Variants in CDH24 observed in about 807,000 individuals in gnomAD.
The protein encoded by CDH24 is cadherin-24.
In CDH24, 61 loss-of-function variants were observed where a neutral mutation model predicts 71.2. The observed-to-expected ratio is 0.86, with a 90% confidence interval of 0.70 to 1.06. The LOEUF is 1.06. Ranked by LOEUF, CDH24 falls within the 50% of genes least tolerant of loss-of-function variation. The probability of loss-of-function intolerance (pLI) is 0.00; values close to 1 mark genes in which losing one functional copy is unlikely to be tolerated. For synonymous variants in CDH24, 440 were observed against 470.2 expected (o/e 0.94, Z 0.83); for missense variants, 961 against 1,083.7 (o/e 0.89, Z 1.59).
In CDH24 at chr14:23,048,163, C is replaced by G; in HGVS notation, c.2163G>C (p.Pro721=). ...READEDPGVP[P]YDSVQVYGYE... ...AGCCGTACACCTGCACCGAGTCGTA[C>G]GGGGGTACGCCGGGGTCCTCGTCCG... Residue 721 remains proline (P), a synonymous_variant, in exon 12 of 13, where the codon CCG becomes CCC. Transcript: ENST00000487137. 1 of 1,359,202 alleles carries G rather than the reference C, an allele frequency of 7.4e-7. No homozygotes were observed. Among genetic ancestry groups the G allele is most frequent in the Admixed American group, 3.5e-5 (1 of 28,976 alleles). 84.2% of individuals were successfully genotyped at this position (1,359,202 alleles called of 1,614,324 possible). A position where few individuals can be genotyped will look rare whatever the true frequency, so the allele number is the denominator to read the frequency against.
chr14:23,049,089 G>C lies in CDH24; in HGVS notation c.1784C>G (p.Ser595Ter). The change falls in exon 11 of 13, where the codon TCA (serine) becomes TGA (stop). Residue 595 changes from serine (S) to a stop codon, truncating the protein, a stop_gained. Transcript: ENST00000487137. LOFTEE classifies it high-confidence loss of function. ...VASCWPEAHLSAAGLSTGALL... is the reference protein window; with the variant it reads ...VASCWPEAHL ...GGCGCCGGTGCTGAGCCCAGCAGCT[G>C]AGAGGTGAGCCTCAGGCCAGCAGGA... is the stretch of plus-strand genomic sequence containing the variant. 6.2e-7 allele frequency: 1 copy of C among 1,611,936 alleles called. No individual in the cohort carries two copies. Among genetic ancestry groups the C allele is most frequent in the Non-Finnish European group, 8.5e-7 (1 of 1,179,384 alleles).
In CDH24 at chr14:23,048,301, C is replaced by T; in HGVS notation, c.2025G>A (p.Ala675=). The change falls in exon 12 of 13, where the codon GCG becomes GCA. Residue 675 remains alanine, a synonymous_variant. Transcript: ENST00000487137. ...LQNPDGAAPP[A]PGPPARRDVL... ...CGTCTCGGCGCGCGGGAGGGCCGGG[C>T]GCCGGGGGGGCCGCCCCGTCCGGGT... 3.1e-6 allele frequency: 5 copies of T among 1,597,084 alleles called. No individual in the cohort carries two copies. Among genetic ancestry groups the T allele is most frequent in the Non-Finnish European group, 4.3e-6 (5 of 1,174,114 alleles).
chr14:23,048,651 G>A (rs893284302), intron 11 of CDH24, among the ~76,000 whole-genome samples, 172 bp from the exon 12 acceptor site: 5 of 152,210 alleles, frequency 3.3e-5, no homozygotes, highest in Non-Finnish European at 7.3e-5. Context: ...ATGTGACCAT[G>A]GGAAGTTGCT....
intron 7 of CDH24, 58 bp from the exon 8 acceptor site, chr14:23,052,667 C>T (rs1302656252): frequency 2.6e-6 from 4 of 1,566,744 alleles, no homozygotes; most frequent in Non-Finnish European, 3.5e-6. Context: ...GCTTGTTCCA[C>T]CCCCTCTCTT....
rs1325970958 is a variant in CDH24 at position 23,049,813 on chromosome 14, G to C, written c.1485+9C>G. 1.9e-6 allele frequency: 3 copies of C among 1,613,878 alleles called. No individual in the cohort carries two copies. Among genetic ancestry groups the C allele is most frequent in the Non-Finnish European group, 8.5e-7 (1 of 1,179,912 alleles). On this transcript the variant is annotated intron_variant, in intron 9 of 12. Transcript: ENST00000487137. ...TGGACGTCCCAACCCCTCTGCCTCAGTTGCTCACCTGGCCAGGAGCTGCAG... is the reference window on the plus strand; with the variant it reads ...TGGACGTCCCAACCCCTCTGCCTCACTTGCTCACCTGGCCAGGAGCTGCAG...
In CDH24 at chr14:23,055,318, G is replaced by A. The variant is rs1878894329; in HGVS notation, c.237C>T (p.Thr79=). The A allele has an allele frequency of 4.4e-6, 7 of 1,609,132 alleles. No individual in the cohort carries two copies. The highest frequency in any genetic ancestry group is 6.0e-6 in the Non-Finnish European group (7 of 1,175,844). The change falls in exon 3 of 13, where the codon ACC becomes ACT. Residue 79 remains threonine (T), a synonymous_variant. Transcript: ENST00000487137. This position sits in a 1 kb window ranked among gnomAD's most constrained non-coding sequence, Gnocchi z 4.1. ...HSDVDRGEGR[T]KYLLTGEGAG... is the part of the protein sequence containing the mutation. ...CCCCCTCCCCGGTCAACAGGTACTT[G>A]GTGCGGCCCTCTCCCCGGTCAACAT...
At chr14:23,056,982 C>A (rs938514354) in intron 1 of CDH24, among the ~76,000 whole-genome samples, 1 of 138,404 alleles carries the variant, frequency 7.2e-6, no homozygotes, top group South Asian at 2.4e-4. Flanking sequence ...GATGAGGAGG[C>A]GAGAAGGAAG....
At chr14:23,049,306 T>A (rs779158408) in intron 10 of CDH24, 31 bp from the exon 11 acceptor site, 1 of 1,545,726 alleles carries the variant, frequency 6.5e-7, no homozygotes, top group Admixed American at 1.9e-5. Context: ...TGAGGTATCT[T>A]CTGGGACACC....
rs1185879818 is a variant in CDH24, at chr14:23,047,745, G to C, written c.*235C>G. ...GGCCAGGGCAGGAAACCCAGGCCCGGACAGAGGAGCGTGTCACAGATAGAG... is the reference window on the plus strand; with the variant it reads ...GGCCAGGGCAGGAAACCCAGGCCCGCACAGAGGAGCGTGTCACAGATAGAG... On this transcript the variant is annotated 3_prime_UTR_variant, in exon 12 of 13. Transcript: ENST00000487137. 2 of 350,168 alleles carry C rather than the reference G, an allele frequency of 5.7e-6. No individual in the cohort carries two copies. Among genetic ancestry groups the C allele is most frequent in the African/African-American group, 4.3e-5 (2 of 46,588 alleles). 21.7% of individuals were successfully genotyped at this position (350,168 alleles called of 1,614,324 possible).
rs1418990882 is a variant in CDH24, at chr14:23,049,844, C to T, written c.1463G>A (p.Cys488Tyr). ...CACCTGGCCAGGAGCTGCAGAGTCA[C>T]ACACAAAAGTATCGTAGGGCTCAGC... The part of the protein sequence containing the change: ...QLAEPYDTFV[C>Y]DSAAPGQLIQ... The change falls in exon 9 of 13, where the codon TGT becomes TAT. Residue 488 changes from cysteine (C) to tyrosine (Y), a missense_variant. Cys to Tyr is a radical substitution (Grantham distance 194, BLOSUM62 -2). Transcript: ENST00000487137. 1 of 1,614,110 alleles carries T rather than the reference C, an allele frequency of 6.2e-7. No homozygotes were observed. The highest frequency in any genetic ancestry group is 1.7e-5 in the Admixed American group (1 of 60,012).
At chr14:23,048,875 T>C (rs2047062904) in intron 11 of CDH24, 152 bp downstream of exon 11, 4 of 829,792 alleles carry the variant, frequency 4.8e-6, no homozygotes, top group Admixed American at 5.7e-5. Flanking sequence ...AGGCCAGAGC[T>C]TTTCTCTTGG....
In CDH24 at chr14:23,055,766, C is replaced by A; in HGVS notation, c.-33G>T. 1 of 1,510,938 alleles carries A rather than the reference C, an allele frequency of 6.6e-7. No individual in the cohort carries two copies. The highest frequency in any genetic ancestry group is 1.3e-5 in the South Asian group (1 of 77,674). The allele number at this position is 1,510,938 out of a possible 1,614,324, so 93.6% of individuals were successfully genotyped here. A position where few individuals can be genotyped will look rare whatever the true frequency, so the allele number is the denominator to read the frequency against. On this transcript the variant is annotated 5_prime_UTR_variant, in exon 2 of 13. Transcript: ENST00000487137. The surrounding 1 kb of genome is among the most constrained non-coding windows in gnomAD (Gnocchi z 4.1). Reference sequence around the variant, plus strand: ...CTCCAGCCAGGGCTCTGTTCACTGGCCCTGGGTGCTGAGGCTGGGCCAGGC... The same window carrying A: ...CTCCAGCCAGGGCTCTGTTCACTGGACCTGGGTGCTGAGGCTGGGCCAGGC...
In CDH24 at chr14:23,052,165, G is replaced by C; in HGVS notation, c.1363+308C>G. On this transcript the variant is annotated intron_variant, in intron 8 of 12. Coordinates refer to ENST00000487137, the MANE Select transcript of CDH24 (RefSeq NM_144985.4). ...AAGGTCTAGTTTATTTCTGGGTTGG[G>C]GCAAGTCAGGTAAGGGAATGACTTG... 4 of 847,802 alleles carry C rather than the reference G, an allele frequency of 4.7e-6. No individual in the cohort carries two copies. The South Asian group carries it at 5.8e-5, about 12-fold the overall frequency. 52.5% of individuals were successfully genotyped at this position (847,802 alleles called of 1,614,324 possible).
At chr14:23,052,435 G>C (rs778863234) in intron 8 of CDH24, 38 bp downstream of exon 8, 3 of 1,611,610 alleles carry the variant, frequency 1.9e-6, no homozygotes, top group Non-Finnish European at 1.7e-6. Flanking sequence ...TCCTCGGCCA[G>C]GAGGCTGCTG....
intron 8 of CDH24, among the ~76,000 whole-genome samples, chr14:23,050,436 T>A (rs553464026): frequency 2.6e-4 from 39 of 152,086 alleles, no homozygotes; most frequent in African/African-American, 9.2e-4. Context: ...ATAGAATGCA[T>A]TTTCATGCAT....
rs758077307 is a variant in CDH24, at chr14:23,055,783, G to A, written c.-50C>T. On this transcript the variant is annotated 5_prime_UTR_variant, in exon 2 of 13. Coordinates refer to ENST00000487137, the MANE Select transcript of CDH24 (RefSeq NM_144985.4). This position sits in a 1 kb window ranked among gnomAD's most constrained non-coding sequence, Gnocchi z 4.1. Reference sequence around the variant, plus strand: ...TTCACTGGCCCTGGGTGCTGAGGCTGGGCCAGGCCACGTGGCCCATGAGCT... The same window carrying A: ...TTCACTGGCCCTGGGTGCTGAGGCTAGGCCAGGCCACGTGGCCCATGAGCT... The A allele has an allele frequency of 6.8e-7, 1 of 1,465,960 alleles. No individual in the cohort carries two copies. The highest frequency in any genetic ancestry group is 1.4e-5 in the South Asian group (1 of 72,232). 90.8% of individuals were successfully genotyped at this position (1,465,960 alleles called of 1,614,324 possible).
chr14:23,048,898 G>T, intron 11 of CDH24, 129 bp downstream of exon 11: 2 of 1,047,354 alleles, frequency 1.9e-6, no homozygotes, highest in Non-Finnish European at 1.4e-6. Flanking sequence ...GCATCAGGTG[G>T]TGGGAAAATC....
rs537299588 is a variant in CDH24, at chr14:23,051,987, G to A, written c.1363+486C>T. On this transcript the variant is annotated intron_variant, in intron 8 of 12. Transcript: ENST00000487137. The surrounding 1 kb of genome is among the most constrained non-coding windows in gnomAD (Gnocchi z 4.4). Reference sequence around the variant, plus strand: ...TCCCCTACCTTGGGGGATTCCCACAGCGCTTCCAACAGGGCTTCTCTGGGG... The same window carrying A: ...TCCCCTACCTTGGGGGATTCCCACAACGCTTCCAACAGGGCTTCTCTGGGG... 10 of 1,580,642 alleles carry A rather than the reference G, an allele frequency of 6.3e-6. No individual in the cohort carries two copies. In the South Asian group the frequency reaches 1.2e-4, roughly 18 times the overall value.
intron 6 of CDH24, 51 bp from the exon 7 acceptor site, chr14:23,053,800 G>C (rs984322766): frequency 2.6e-6 from 4 of 1,539,686 alleles, no homozygotes; most frequent in African/African-American, 1.4e-5. Flanking sequence ...AACCAGGGCA[G>C]GTCCCAGGCT....
Sources: gnomAD v4.1 joint callset for allele counts (sites outside exome capture counted in the v4.1 genomes callset) on GRCh38, gnomAD v4.1.1 for gene constraint, Gnocchi (gnomAD v3.1) non-coding constraint, MANE v1.5 for transcripts, NCBI Gene and HGNC (gene_info 2026-07-23, HGNC 2026-07-21) for gene names.